ITGAM: variants seen among roughly 807,000 people sequenced by gnomAD.
ITGAM encodes integrin alpha-M.
A neutral mutation model predicts 137.5 loss-of-function variants in ITGAM; 79 were observed. The ratio of observed to expected loss-of-function variants is 0.57; its 90% CI spans 0.48 to 0.69. The LOEUF is 0.69. Ranked by LOEUF, ITGAM falls within the 30% of genes least tolerant of loss-of-function variation. The pLI, the probability that ITGAM is intolerant of heterozygous loss-of-function variation, is 0.00. For synonymous variants in ITGAM, 583 were observed against 592.3 expected (o/e 0.98, Z 0.23); for missense variants, 1,343 against 1,483.5 (o/e 0.91, Z 1.56).
At position 31,260,091 on chromosome 16, in the gene ITGAM, A is replaced by T; in HGVS notation, c.27A>T (p.Thr9=). The T allele has an allele frequency of 1.8e-6, 1 of 550,200 alleles. No homozygotes were observed. Among genetic ancestry groups the T allele is most frequent in the Non-Finnish European group, 2.9e-6 (1 of 350,794 alleles). 34.1% of individuals were successfully genotyped at this position (550,200 alleles called of 1,614,324 possible). A position where few individuals can be genotyped will look rare whatever the true frequency, so the allele number is the denominator to read the frequency against. Residue 9 remains threonine, a splice_region_variant and synonymous_variant, in exon 1 of 30, where the codon ACA becomes ACT. Coordinates refer to ENST00000544665, the MANE Select transcript of ITGAM (RefSeq NM_000632.4). The part of the protein sequence containing the change: MALRVLLL[T]ALTLCHGFNL... ...TGGCTCTCAGAGTCCTTCTGTTAACAGGTGCATGGGGGTGGGGTGGGGGAC... is the reference window on the plus strand; with the variant it reads ...TGGCTCTCAGAGTCCTTCTGTTAACTGGTGCATGGGGGTGGGGTGGGGGAC...
chr16:31,319,681 C>T (rs2080427720), intron 14 of ITGAM, among the ~76,000 whole-genome samples: 1 of 152,186 alleles, frequency 6.6e-6, no homozygotes, highest in African/African-American at 2.4e-5. Flanking sequence ...GAAGGATTTA[C>T]TACTGCCATT....
At chr16:31,270,288 G>T (rs942477601) in intron 5 of ITGAM, among the ~76,000 whole-genome samples, 3 of 151,372 alleles carry the variant, frequency 2.0e-5, no homozygotes, top group East Asian at 2.0e-4. Flanking sequence ...TTTTAATAGA[G>T]ATAGGGTTTC....
chr16:31,328,263 A>G, intron 23 of ITGAM, 33 bp downstream of exon 23: 4 of 1,527,906 alleles, frequency 2.6e-6, no homozygotes, highest in Non-Finnish European at 2.7e-6. Context: ...CTGAGCCTCC[A>G]CTTCTGGGCT....
intron 19 of ITGAM, 89 bp from the exon 20 acceptor site, chr16:31,325,174 C>T: frequency 6.6e-7 from 1 of 1,515,234 alleles, no homozygotes; most frequent in Non-Finnish European, 8.9e-7. Context: ...GTCTCTTCAT[C>T]AAGTGTCTGC....
chr16:31,331,429 G>A (rs919981854), intron 29 of ITGAM, 154 bp downstream of exon 29: 1 of 672,596 alleles, frequency 1.5e-6, no homozygotes, highest in Non-Finnish European at 2.6e-6. Context: ...AGGGTGGCCG[G>A]GTTCATGCGC....
At chr16:31,313,376 C>G (rs1386954754) in intron 14 of ITGAM, among the ~76,000 whole-genome samples, 1 of 152,098 alleles carries the variant, frequency 6.6e-6, no homozygotes, top group Non-Finnish European at 1.5e-5. Context: ...TGCTCTCCCT[C>G]CCCCTTGATC....
At chr16:31,277,492 G>A (rs1485824478) in intron 11 of ITGAM, among the ~76,000 whole-genome samples, 16 of 152,000 alleles carry the variant, frequency 1.1e-4, no homozygotes, top group Admixed American at 1.0e-3. Flanking sequence ...CTGAGTAGCT[G>A]GAATTACAGG....
intron 12 of ITGAM, among the ~76,000 whole-genome samples, chr16:31,279,628 C>T (rs2079946539): frequency 6.6e-6 from 1 of 152,102 alleles, no homozygotes; most frequent in South Asian, 2.1e-4. Flanking sequence ...TTTGTAGATT[C>T]TGGATATTAG....
intron 1 of ITGAM, 45 bp from the exon 2 acceptor site, chr16:31,261,647 C>A: frequency 7.8e-7 from 1 of 1,288,638 alleles, no homozygotes; most frequent in East Asian, 2.4e-5. Flanking sequence ...CCCTAACTGG[C>A]ATGCTACTTT....
intron 14 of ITGAM, among the ~76,000 whole-genome samples, chr16:31,302,458 C>CCTTTCTTTCTTTCTTTCTTT (rs143099983): frequency 1.2e-4 from 13 of 111,980 alleles, no homozygotes; most frequent in African/African-American, 3.3e-4. Context: ...TTTCTTCCTT[C>CCTTTCTTTCTTTCTTTCTTT]CTTTCTTTCT....
intron 7 of ITGAM, among the ~76,000 whole-genome samples, chr16:31,272,464 T>TATATATATATATATATA (rs1398893791): frequency 2.2e-4 from 2 of 9,024 alleles, no homozygotes; most frequent in Admixed American, 2.5e-3. Flanking sequence ...TATATATATA[T>TATATATATATATATATA]TTTTTTTTTT....
chr16:31,275,469 C>G, intron 8 of ITGAM, 80 bp from the exon 9 acceptor site: 1 of 1,410,616 alleles, frequency 7.1e-7, no homozygotes, highest in Non-Finnish European at 9.9e-7. Context: ...ATGGTTCAGA[C>G]TAGTTTCCTG....
At chr16:31,263,383 T>G (rs1433208659) in intron 2 of ITGAM, among the ~76,000 whole-genome samples, 1 of 152,256 alleles carries the variant, frequency 6.6e-6, no homozygotes, top group Non-Finnish European at 1.5e-5. Context: ...GATTGTGGTA[T>G]CCACGGGTGC....
chr16:31,296,620 C>G lies in ITGAM; in HGVS notation c.1357-894C>G, dbSNP rs140262522. ...ACGTTGCAGAGCCGTGGCATGATGT[C>G]CCCTGCACATTCCCTTTCTAGAACT... On this transcript the variant is annotated intron_variant, in intron 12 of 29. Coordinates refer to ENST00000544665, the MANE Select transcript of ITGAM (RefSeq NM_000632.4). Among the ~76,000 whole-genome samples the G allele has an allele frequency of 3.3e-3, 501 of 152,130 alleles. 4 individuals are homozygous for G. The highest frequency in any genetic ancestry group is 0.011 in the African/African-American group (470 of 41,508).
intron 5 of ITGAM, among the ~76,000 whole-genome samples, chr16:31,269,783 T>G (rs2079808296): frequency 3.9e-5 from 6 of 152,170 alleles, no homozygotes; most frequent in Admixed American, 3.9e-4. Context: ...GGCTTCCTTC[T>G]GAGGAACAGT....
chr16:31,284,693 C>T (rs1418933820), intron 12 of ITGAM, among the ~76,000 whole-genome samples: 1 of 152,156 alleles, frequency 6.6e-6, no homozygotes, highest in African/African-American at 2.4e-5. Context: ...CGATGACCCA[C>T]CCTGCTTTGG....
chr16:31,311,761 C>T (rs1038922536), intron 14 of ITGAM, among the ~76,000 whole-genome samples: 5 of 152,138 alleles, frequency 3.3e-5, no homozygotes, highest in African/African-American at 4.8e-5. Context: ...GAAATACCAT[C>T]TGACCCAGCC....
intron 12 of ITGAM, among the ~76,000 whole-genome samples, chr16:31,278,887 C>T (rs1043499789): frequency 5.3e-5 from 8 of 152,206 alleles, no homozygotes; most frequent in Admixed American, 3.3e-4. Flanking sequence ...TCCCTTCCCT[C>T]TCCCTCCACC....
intron 23 of ITGAM, among the ~76,000 whole-genome samples, chr16:31,328,589 A>ATGTG (rs201844815): frequency 1.5e-5 from 2 of 132,956 alleles, no homozygotes; most frequent in African/African-American, 5.8e-5. Flanking sequence ...GTATTTGTGC[A>ATGTG]TGTGTGTGTG....
Sources: gnomAD v4.1 joint callset for allele counts (sites outside exome capture counted in the v4.1 genomes callset) on GRCh38, gnomAD v4.1.1 for gene constraint, MANE v1.5 for transcripts, NCBI Gene and HGNC (gene_info 2026-07-23, HGNC 2026-07-21) for gene names.